The following TXNRD3 variants were observed in gnomAD, a reference collection of about 807,000 sequenced individuals.
TXNRD3 encodes thioredoxin reductase 3.
In TXNRD3, 68 loss-of-function variants were observed where a neutral mutation model predicts 78.2. The observed-to-expected ratio is 0.87, with a 90% CI of 0.72 to 1.06. TXNRD3 has a LOEUF of 1.06. Ranked by LOEUF, TXNRD3 falls within the 50% of genes least tolerant of loss-of-function variation. The pLI, the probability that TXNRD3 is intolerant of heterozygous loss-of-function variation, is 0.00. For missense variants in TXNRD3, 751 were observed against 809.5 expected (o/e 0.93, Z 0.88); for synonymous variants, 296 against 300.1 (o/e 0.99, Z 0.14).
chr3:126,650,337 T>C (rs375319036), intron 1 of TXNRD3, among the ~76,000 whole-genome samples: 3 of 152,158 alleles, frequency 2.0e-5, no homozygotes, highest in Non-Finnish European at 4.4e-5. Context: ...CCACACTTAT[T>C]AGCAAGCATT....
intron 14 of TXNRD3, chr3:126,609,001 T>C (rs1938128412): frequency 4.0e-6 from 1 of 250,262 alleles, no homozygotes. Context: ...CAGGTTTTAC[T>C]GGAAATAAGA....
Position 126,642,100 on chromosome 3 carries a change from T to C in TXNRD3, c.644A>G (p.His215Arg), listed in dbSNP as rs1933105038. 1 of 1,536,326 alleles carries C rather than the reference T, an allele frequency of 6.5e-7. No individual in the cohort carries two copies. Among genetic ancestry groups the C allele is most frequent in the Admixed American group, 2.0e-5 (1 of 50,966 alleles). ...TGCCTGCCCCAAAAGGGCAGCCTGA[T>C]GCATCAATTTCTTAGGAATACAACC... Residue 215 changes from histidine to arginine, a missense_variant, in exon 6 of 16, where the codon CAT (histidine) becomes CGT (arginine). Transcript: ENST00000524230.
intron 10 of TXNRD3, among the ~76,000 whole-genome samples, chr3:126,627,763 G>A (rs1938613545): frequency 6.6e-6 from 1 of 152,168 alleles, no homozygotes; most frequent in Non-Finnish European, 1.5e-5. Flanking sequence ...GGTATAGACA[G>A]TTGCATCAGT....
intron 14 of TXNRD3, among the ~76,000 whole-genome samples, chr3:126,610,063 C>T (rs573424461): frequency 6.6e-6 from 1 of 152,330 alleles, no homozygotes; most frequent in East Asian, 1.9e-4. Flanking sequence ...ACCGCCATCC[C>T]TGTCACTGCC....
intron 6 of TXNRD3, among the ~76,000 whole-genome samples, chr3:126,634,630 G>C (rs1036538833): frequency 6.6e-6 from 1 of 152,240 alleles, no homozygotes; most frequent in East Asian, 1.9e-4. Flanking sequence ...TCGGGTGTTG[G>C]AATTCCACGT....
intron 1 of TXNRD3, among the ~76,000 whole-genome samples, chr3:126,653,014 G>T (rs1933426412): frequency 6.6e-6 from 1 of 152,114 alleles, no homozygotes. Context: ...ACCACCATTA[G>T]AACCCAACCT....
chr3:126,607,962 A>C lies in TXNRD3; in HGVS notation c.1875T>G (p.Thr625=). ...GTCCTGACGACTTTGTGATTTCCAA[A>C]GTCGTGAACACCTGTTCAAGAGAAA... is the stretch of plus-strand genomic sequence containing the variant. The change falls in exon 16 of 16, where the codon ACT becomes ACG. Residue 625 remains threonine, a synonymous_variant. Transcript: ENST00000524230. The C allele has an allele frequency of 6.6e-7, 1 of 1,504,582 alleles. No homozygotes were observed. The highest frequency in any genetic ancestry group is 8.9e-7 in the Non-Finnish European group (1 of 1,123,830). The allele number at this position is 1,504,582 out of a possible 1,614,324, so 93.2% of individuals were successfully genotyped here.
At chr3:126,609,867 C>T (rs997168832) in intron 14 of TXNRD3, among the ~76,000 whole-genome samples, 13 of 152,204 alleles carry the variant, frequency 8.5e-5, no homozygotes, top group African/African-American at 3.1e-4. Context: ...AACCCTCTCA[C>T]TTTCAGAGGG....
intron 6 of TXNRD3, among the ~76,000 whole-genome samples, chr3:126,639,216 C>T (rs1019317673): frequency 3.3e-5 from 5 of 152,212 alleles, no homozygotes; most frequent in African/African-American, 1.2e-4. Flanking sequence ...AAATCCTATT[C>T]CATTTAGCCT....
At chr3:126,623,652 A>G (rs909672275) in intron 10 of TXNRD3, among the ~76,000 whole-genome samples, 5 of 152,210 alleles carry the variant, frequency 3.3e-5, no homozygotes, top group Non-Finnish European at 5.9e-5. Flanking sequence ...ACACTCTTTC[A>G]TAATTAAAAT....
chr3:126,611,445 T>C (rs1559769835), intron 13 of TXNRD3, among the ~76,000 whole-genome samples: 1 of 152,182 alleles, frequency 6.6e-6, no homozygotes, highest in African/African-American at 2.4e-5. Context: ...CAGGCTCTCG[T>C]GTGGGCTGCA....
At chr3:126,622,314 T>A in intron 11 of TXNRD3, 150 bp downstream of exon 11, 2 of 558,408 alleles carry the variant, frequency 3.6e-6, no homozygotes, top group Admixed American at 7.3e-5. Context: ...GAGTTACTGA[T>A]TGATGAAGAA....
At position 126,615,447 on chromosome 3, in the gene TXNRD3, C is replaced by T. The variant is rs1200925258; in HGVS notation, c.1540G>A (p.Val514Ile). Reference sequence around the variant, plus strand: ...AGAGGAGTAAACACTGTAGTCGGAACATTAATATAATCACACTGAAAGACA... The same window carrying T: ...AGAGGAGTAAACACTGTAGTCGGAATATTAATATAATCACACTGAAAGACA... The change falls in exon 13 of 16, where the codon GTT (valine) becomes ATT (isoleucine). Residue 514 changes from valine to isoleucine, a missense_variant. Physicochemically the swap from Val to Ile is conservative, Grantham distance 29. Coordinates refer to ENST00000524230, the MANE Select transcript of TXNRD3 (RefSeq NM_052883.3). The T allele has an allele frequency of 1.3e-6, 2 of 1,493,428 alleles. No homozygotes were observed. Among genetic ancestry groups the T allele is most frequent in the South Asian group, 1.3e-5 (1 of 77,192 alleles). The allele number at this position is 1,493,428 out of a possible 1,614,324, so 92.5% of individuals were successfully genotyped here. A position where few individuals can be genotyped will look rare whatever the true frequency, so the allele number is the denominator to read the frequency against.
At chr3:126,631,349 A>T (rs1207512200) in intron 8 of TXNRD3, among the ~76,000 whole-genome samples, 1 of 152,184 alleles carries the variant, frequency 6.6e-6, no homozygotes, top group Non-Finnish European at 1.5e-5. Context: ...GTCATTACAC[A>T]CATGTCCTGT....
intron 12 of TXNRD3, among the ~76,000 whole-genome samples, chr3:126,619,906 CA>C (rs1357081344): frequency 2.0e-5 from 3 of 152,066 alleles, no homozygotes; most frequent in South Asian, 2.1e-4. Flanking sequence ...AAAACAAAGG[CA>C]GGGGGACTGT....
At chr3:126,610,273 C>T (rs1938168032) in intron 14 of TXNRD3, among the ~76,000 whole-genome samples, 2 of 152,318 alleles carry the variant, frequency 1.3e-5, no homozygotes, top group Admixed American at 6.5e-5. Context: ...GTAGATGTCA[C>T]TTGTTGCAGT....
At chr3:126,647,750 GC>G (rs1933276475) in intron 1 of TXNRD3, among the ~76,000 whole-genome samples, 1 of 152,050 alleles carries the variant, frequency 6.6e-6, no homozygotes. Flanking sequence ...TGGGAGGATC[GC>G]TGAAGCCCAG....
intron 5 of TXNRD3, 55 bp from the exon 6 acceptor site, chr3:126,642,206 G>A: frequency 6.7e-7 from 1 of 1,491,074 alleles, no homozygotes. Flanking sequence ...TCACACATCT[G>A]CAATCATATT....
intron 2 of TXNRD3, among the ~76,000 whole-genome samples, chr3:126,646,954 G>C (rs1163444838): frequency 6.6e-6 from 1 of 152,208 alleles, no homozygotes; most frequent in Non-Finnish European, 1.5e-5. Context: ...TTCTGCTAGA[G>C]AGCTGGCAGA....
Sources: gnomAD v4.1 joint callset for allele counts (sites outside exome capture counted in the v4.1 genomes callset) on GRCh38, gnomAD v4.1.1 for gene constraint, MANE v1.5 for transcripts, NCBI Gene and HGNC (gene_info 2026-07-23, HGNC 2026-07-21) for gene names.